The following GPHN variants were observed in gnomAD, a reference collection of about 807,000 sequenced individuals.
GPHN encodes the protein gephyrin.
A neutral mutation model predicts 95.5 loss-of-function variants in GPHN; 17 were observed. That is an observed-to-expected ratio of 0.18 (90% CI 0.12 to 0.27). The LOEUF (loss-of-function observed/expected upper bound fraction) is 0.27, where lower values mean the gene tolerates loss of function less well. Among genes scored for constraint, GPHN ranks in the 10% least tolerant of loss-of-function variants. The probability of loss-of-function intolerance (pLI) is 1.00; values close to 1 mark genes in which losing one functional copy is unlikely to be tolerated. For missense variants in GPHN, 660 were observed against 978.1 expected, an observed-to-expected ratio of 0.67 and a Z score of 4.34; for synonymous variants, 320 against 322.5, an observed-to-expected ratio of 0.99 and a Z score of 0.08.
chr14:66,652,643 A>G (rs1043287220), intron 1 of GPHN, among the ~76,000 whole-genome samples: 2 of 152,052 alleles, frequency 1.3e-5, no homozygotes, highest in African/African-American at 2.4e-5. Context: ...GCTGAGAGCT[A>G]TTGAATCCTT....
Position 67,099,364 on chromosome 14 carries a change from G to A in GPHN, c.1238-1492G>A, listed in dbSNP as rs528703770. 5.9e-5 allele frequency among the ~76,000 whole-genome samples: 9 copies of A among 151,946 alleles called. No individual in the cohort carries two copies. The South Asian group carries it at 1.9e-3, about 32-fold the overall frequency. On this transcript the variant is annotated intron_variant, in intron 12 of 22. Transcript: ENST00000478722. ...CTTGAACTCCCGACCTCAGGTATCT[G>A]CCCGCCCGGGCCTCCCAAAGTGCTG... is the stretch of plus-strand genomic sequence containing the variant.
chr14:67,496,425 A>C, the GPHN span, among the ~76,000 whole-genome samples: 5 of 25,688 alleles, frequency 1.9e-4, no homozygotes, highest in African/African-American at 4.0e-4. Flanking sequence ...TTTTTTTGAG[A>C]CAGGGTCTGG....
chr14:66,803,106 C>A (rs1260063066), intron 3 of GPHN, among the ~76,000 whole-genome samples: 1 of 152,158 alleles, frequency 6.6e-6, no homozygotes, highest in Non-Finnish European at 1.5e-5. Flanking sequence ...GATGGTGAAG[C>A]TTTCAGGAAC....
chr14:67,546,637 G>A, the GPHN span, among the ~76,000 whole-genome samples: 54 of 152,296 alleles, frequency 3.5e-4, 1 homozygote, highest in South Asian at 8.3e-3. Context: ...TGATCCACCC[G>A]CCTCAGCCTC....
intron 10 of GPHN, among the ~76,000 whole-genome samples, chr14:67,027,114 T>C (rs1302621725): frequency 6.6e-6 from 1 of 152,208 alleles, no homozygotes; most frequent in African/African-American, 2.4e-5. Context: ...AGTGCCAAAA[T>C]TGTTTTATTA....
chr14:67,077,104 C>T (rs1595048070), intron 11 of GPHN, among the ~76,000 whole-genome samples: 2 of 152,168 alleles, frequency 1.3e-5, no homozygotes, highest in Non-Finnish European at 2.9e-5. Context: ...AAAGTATAGA[C>T]AGTCACTGAC....
At chr14:67,664,519 C>CAA in the GPHN span, among the ~76,000 whole-genome samples, 1 of 147,756 alleles carries the variant, frequency 6.8e-6, no homozygotes, top group East Asian at 2.0e-4. Flanking sequence ...TTTCTTGAGA[C>CAA]AGAGTCTTGC....
the GPHN span, chr14:67,301,266 G>T: frequency 2.0e-6 from 1 of 494,230 alleles, no homozygotes; most frequent in Non-Finnish European, 3.6e-6. Context: ...TCTTTTTAGT[G>T]ATTTTATTTC....
At chr14:67,584,721 G>A in the GPHN span, among the ~76,000 whole-genome samples, 1 of 152,182 alleles carries the variant, frequency 6.6e-6, no homozygotes, top group Non-Finnish European at 1.5e-5. Context: ...GGTTGTTTGA[G>A]GTTATAAGAA....
chr14:67,347,340 C>G, the GPHN span: 3 of 1,290,736 alleles, frequency 2.3e-6, no homozygotes, highest in South Asian at 3.8e-5. Flanking sequence ...TTTTCCAGAA[C>G]TTAGTTCATT....
chr14:67,519,714 GTTT>G, the GPHN span, among the ~76,000 whole-genome samples: 2 of 145,048 alleles, frequency 1.4e-5, no homozygotes, highest in Admixed American at 6.8e-5. Flanking sequence ...CTGTAAGTTT[GTTT>G]TTTTTTTTTT....
chr14:66,980,052 T>C (rs2070547473), intron 9 of GPHN, among the ~76,000 whole-genome samples: 1 of 152,036 alleles, frequency 6.6e-6, no homozygotes, highest in Admixed American at 6.6e-5. Flanking sequence ...CTCAAAACAA[T>C]TGCAAAAGTA....
the GPHN span, among the ~76,000 whole-genome samples, chr14:67,673,847 G>A: frequency 6.6e-6 from 1 of 152,168 alleles, no homozygotes; most frequent in Non-Finnish European, 1.5e-5. Context: ...AGTCTCAGCT[G>A]TAAAAACGTT....
chr14:67,105,982 G>A (rs1212210780), intron 13 of GPHN, among the ~76,000 whole-genome samples: 1 of 151,740 alleles, frequency 6.6e-6, no homozygotes, highest in East Asian at 1.9e-4. Flanking sequence ...TATTAATCTG[G>A]TCTACCAGTG....
At chr14:67,148,045 G>T (rs2153708673) in intron 18 of GPHN, among the ~76,000 whole-genome samples, 1 of 152,134 alleles carries the variant, frequency 6.6e-6, no homozygotes, top group South Asian at 2.1e-4. Flanking sequence ...AATCAAAAAA[G>T]TTATTAAAAA....
intron 8 of GPHN, among the ~76,000 whole-genome samples, chr14:66,959,894 CTTAAGCCATGTTGTTATTTTCCTTTAT>C (rs1596516334): frequency 6.6e-6 from 1 of 151,908 alleles, no homozygotes; most frequent in Non-Finnish European, 1.5e-5. Flanking sequence ...CCACAGGTTG[CTTAAGCCATGTTGTTATTTTCCTTTAT>C]TTAAGCCATG....
chr14:67,578,519 C>G, the GPHN span: 1 of 1,582,480 alleles, frequency 6.3e-7, no homozygotes, highest in South Asian at 1.1e-5. The surrounding 1 kb of genome is among the most constrained non-coding windows in gnomAD (Gnocchi z 5.0). Flanking sequence ...CCCACGCTGT[C>G]TGTGTCCCTG....
intron 11 of GPHN, among the ~76,000 whole-genome samples, chr14:67,069,174 A>T (rs1412349624): frequency 6.6e-6 from 1 of 152,206 alleles, no homozygotes; most frequent in African/African-American, 2.4e-5. Flanking sequence ...TACCCAATGT[A>T]GGGTTATTGT....
At chr14:67,194,153 A>G in the GPHN span, among the ~76,000 whole-genome samples, 485 of 152,062 alleles carry the variant, frequency 3.2e-3, 1 homozygote, top group Non-Finnish European at 5.4e-3. Context: ...GCTTGAGCTC[A>G]GGAGTTCGAG....
Sources: allele counts gnomAD v4.1 joint callset (sites outside exome capture counted in the v4.1 genomes callset), GRCh38; gene constraint gnomAD v4.1.1; non-coding constraint Gnocchi (gnomAD v3.1); transcripts MANE v1.5; gene names NCBI Gene and HGNC (gene_info 2026-07-23, HGNC 2026-07-21).